Variants in BPIFB4 observed in about 807,000 individuals in gnomAD.
The protein encoded by BPIFB4 is BPI fold-containing family B member 4.
BPIFB4 carries 62 observed loss-of-function variants against 69.2 expected under a neutral mutation model. The observed-to-expected ratio is 0.90, with a 90% CI of 0.73 to 1.11. The LOEUF (loss-of-function observed/expected upper bound fraction) is 1.11, where lower values mean the gene tolerates loss of function less well. Among genes scored for constraint, BPIFB4 ranks in the 50% least tolerant of loss-of-function variants. BPIFB4 has a pLI of 0.00. For synonymous variants in BPIFB4, 330 were observed against 332.7 expected (o/e 0.99, Z 0.09); for missense variants, 789 against 792.0 (o/e 1.00, Z 0.04).
At chr20:33,099,060 A>G (rs1188125638) in intron 13 of BPIFB4, among the ~76,000 whole-genome samples, 1 of 150,738 alleles carries the variant, frequency 6.6e-6, no homozygotes, top group Non-Finnish European at 1.5e-5. Flanking sequence ...CTTAGGGCCC[A>G]GCACACAGTA....
At chr20:33,094,995 C>A in intron 11 of BPIFB4, 105 bp from the exon 12 acceptor site, 1 of 1,158,070 alleles carries the variant, frequency 8.6e-7, no homozygotes, top group Non-Finnish European at 1.3e-6. Context: ...CGAAGACGCC[C>A]TGCTGGGTGT....
At chr20:33,108,543 A>G (rs1345382297) in intron 17 of BPIFB4, among the ~76,000 whole-genome samples, 1 of 151,440 alleles carries the variant, frequency 6.6e-6, no homozygotes, top group Non-Finnish European at 1.5e-5. Flanking sequence ...GGGAATCAGT[A>G]GAGCATTGGG....
At chr20:33,082,072 C>A (rs546024176) in intron 3 of BPIFB4, among the ~76,000 whole-genome samples, 1 of 152,144 alleles carries the variant, frequency 6.6e-6, no homozygotes, top group Non-Finnish European at 1.5e-5. Flanking sequence ...ACTTAGAAGG[C>A]CCTCAAAAGT....
Position 33,084,932 on chromosome 20 carries a change from C to T in BPIFB4, c.718C>T (p.Arg240Trp), listed in dbSNP as rs752406178. 74 of 1,610,744 alleles carry T rather than the reference C, an allele frequency of 4.6e-5. No homozygotes were observed. Among genetic ancestry groups the T allele is most frequent in the Admixed American group, 3.2e-4 (19 of 60,004 alleles). ...VELTLPRVSVRLLPGVGVYLS... is the reference protein window; with the variant it reads ...VELTLPRVSVWLLPGVGVYLS... ...GCTGACCCTCCCTCGGGTGTCCGTG[C>T]GGCTCCTGCCCGGCGTGGGTGTCTA... is the stretch of plus-strand genomic sequence containing the variant. Residue 240 changes from arginine (R) to tryptophan (W), a missense_variant, in exon 6 of 18, where the codon CGG becomes TGG. Physicochemically the swap from Arg to Trp is moderately radical, Grantham distance 101. Transcript: ENST00000375483.
In BPIFB4 at chr20:33,095,072, T is replaced by C. The variant is rs770478311; in HGVS notation, c.1345-28T>C. ...TGTCTGTACCGATAGCCTCCAGGAT[T>C]CACGTGGCCCTTCTTCTTGTCCTAT... is the stretch of plus-strand genomic sequence containing the variant. On this transcript the variant is annotated intron_variant, in intron 11 of 17. Coordinates refer to ENST00000375483, the MANE Select transcript of BPIFB4 (RefSeq NM_182519.3). 12 of 1,588,422 alleles carry C rather than the reference T, an allele frequency of 7.6e-6. No individual in the cohort carries two copies. The African/African-American group carries it at 1.6e-4, about 21-fold the overall frequency.
intron 15 of BPIFB4, 172 bp from the exon 16 acceptor site, chr20:33,104,636 ACC>A (rs1981993228): frequency 1.7e-6 from 1 of 576,106 alleles, no homozygotes; most frequent in Non-Finnish European, 3.0e-6. Context: ...GATGGGGGGC[ACC>A]TTAAGGCTGC....
intron 17 of BPIFB4, 120 bp downstream of exon 17, chr20:33,107,940 C>G: frequency 1.2e-6 from 1 of 857,776 alleles, no homozygotes; most frequent in Non-Finnish European, 1.9e-6. Context: ...GGGGAGGAAA[C>G]AGGGTCCTCT....
intron 4 of BPIFB4, 148 bp from the exon 5 acceptor site, chr20:33,083,219 G>T: frequency 1.4e-6 from 1 of 696,212 alleles, no homozygotes; most frequent in East Asian, 3.7e-5. Context: ...GGGGTTGCTG[G>T]GTGGCAGTGG....
Position 33,086,088 on chromosome 20 carries a change from C to T in BPIFB4, c.850C>T (p.Arg284Cys), listed in dbSNP as rs368074260. ...AGCCAAGGTCCGGCTGACCATGGAC[C>T]GCACGGGTTATCCTCGGCTGGTCAT... is the stretch of plus-strand genomic sequence containing the variant. Reference protein sequence around the residue: ...ITAKVRLTMDRTGYPRLVIER... With the variant: ...ITAKVRLTMDCTGYPRLVIER... The change falls in exon 7 of 18, where the codon CGC becomes TGC. Residue 284 changes from arginine (R) to cysteine (C), a missense_variant. Transcript: ENST00000375483. The T allele has an allele frequency of 2.2e-5, 36 of 1,613,508 alleles. No individual in the cohort carries two copies. Among genetic ancestry groups the T allele is most frequent in the African/African-American group, 2.7e-5 (2 of 75,022 alleles).
chr20:33,084,801 G>C, intron 5 of BPIFB4, 91 bp from the exon 6 acceptor site: 1 of 1,511,706 alleles, frequency 6.6e-7, no homozygotes, highest in South Asian at 1.3e-5. Context: ...AACAGACGGG[G>C]AGCAGAGAAA....
intron 14 of BPIFB4, among the ~76,000 whole-genome samples, chr20:33,101,858 T>TA (rs541323538): frequency 1.5e-3 from 225 of 152,384 alleles, no homozygotes; most frequent in Non-Finnish European, 2.4e-3. Context: ...CCTTTAATTC[T>TA]TGATATAAGC....
intron 7 of BPIFB4, among the ~76,000 whole-genome samples, chr20:33,088,097 A>T (rs1053443064): frequency 2.6e-5 from 4 of 152,084 alleles, no homozygotes; most frequent in African/African-American, 7.2e-5. Context: ...AGGCCCCTGG[A>T]AACAAATTCT....
chr20:33,085,996 T>G, intron 6 of BPIFB4, 25 bp from the exon 7 acceptor site: 1 of 1,589,624 alleles, frequency 6.3e-7, no homozygotes, highest in Non-Finnish European at 8.6e-7. Context: ...ACTCATGGTC[T>G]CCCTGGCCCC....
At chr20:33,084,046 G>A (rs1322144739) in intron 5 of BPIFB4, among the ~76,000 whole-genome samples, 172 bp downstream of exon 5, 2 of 152,112 alleles carry the variant, frequency 1.3e-5, no homozygotes, top group African/African-American at 4.8e-5. Flanking sequence ...TTTGGGTCTT[G>A]GCATGAAACA....
intron 6 of BPIFB4, among the ~76,000 whole-genome samples, chr20:33,085,336 T>C (rs1247081006): frequency 6.6e-6 from 1 of 152,212 alleles, no homozygotes; most frequent in Non-Finnish European, 1.5e-5. Context: ...GTGCCTGTAG[T>C]CCCAGCTACT....
intron 6 of BPIFB4, among the ~76,000 whole-genome samples, chr20:33,085,604 C>A (rs1981400113): frequency 6.6e-6 from 1 of 152,146 alleles, no homozygotes; most frequent in African/African-American, 2.4e-5. Context: ...ATAATGAGGT[C>A]ACCCCCTTTT....
intron 11 of BPIFB4, among the ~76,000 whole-genome samples, chr20:33,094,616 C>G (rs971584844): frequency 4.0e-5 from 6 of 151,822 alleles, no homozygotes; most frequent in Non-Finnish European, 7.4e-5. Flanking sequence ...AAGCAATTCT[C>G]CTGCCTCAGC....
At chr20:33,081,445 T>C (rs548034063) in intron 2 of BPIFB4, 67 bp from the exon 3 acceptor site, 1 of 1,529,486 alleles carries the variant, frequency 6.5e-7, no homozygotes, top group African/African-American at 1.4e-5. Flanking sequence ...TGGGGCTGCC[T>C]AGTGCTACCT....
At chr20:33,097,086 C>T (rs1981776543) in intron 12 of BPIFB4, among the ~76,000 whole-genome samples, 1 of 152,150 alleles carries the variant, frequency 6.6e-6, no homozygotes, top group African/African-American at 2.4e-5. Context: ...TGGGATTCCC[C>T]AGGCGTGGAC....
Sources: allele counts gnomAD v4.1 joint callset (sites outside exome capture counted in the v4.1 genomes callset), GRCh38; gene constraint gnomAD v4.1.1; transcripts MANE v1.5; gene names NCBI Gene and HGNC (gene_info 2026-07-23, HGNC 2026-07-21).